The following PAK3 variants were observed in gnomAD, a reference collection of about 807,000 sequenced individuals.
PAK3 encodes serine/threonine-protein kinase PAK 3.
A neutral mutation model predicts 41.0 loss-of-function variants in PAK3; 4 were observed. The observed-to-expected ratio is 0.10, with a 90% confidence interval of 0.05 to 0.22. PAK3 has a LOEUF of 0.22. Ranked by LOEUF, PAK3 falls within the 10% of genes least tolerant of loss-of-function variation. The pLI, the probability that PAK3 is intolerant of heterozygous loss-of-function variation, is 1.00. For missense variants in PAK3, 205 were observed against 409.9 expected (o/e 0.50, Z 4.32); for synonymous variants, 146 against 139.6 (o/e 1.05, Z -0.32).
At chrX:111,085,401 A>T (rs1374062855) in intron 1 of PAK3, among the ~76,000 whole-genome samples, 1 of 111,978 alleles carries the variant, frequency 8.9e-6, no homozygotes, top group Non-Finnish European at 1.9e-5. Flanking sequence ...GACTCCTAAT[A>T]TGGTCAGATT....
rs1031524901 is a variant in PAK3 at position 110,956,371 on chromosome X, C to T, written c.-28+11743C>T. Among the ~76,000 whole-genome samples, 15 of 111,765 alleles carry T rather than the reference C, an allele frequency of 1.3e-4. No individual in the cohort carries two copies. The Admixed American group carries it at 1.4e-3, about 11-fold the overall frequency. Reference sequence around the variant, plus strand: ...GCTATTATCATTCGGTTGCCATCCTCAGAGGACTTGTGGATCCCTTGGTCC... The same window carrying T: ...GCTATTATCATTCGGTTGCCATCCTTAGAGGACTTGTGGATCCCTTGGTCC... On this transcript the variant is annotated intron_variant, in intron 1 of 14. Transcript: ENST00000425146.
rs1275739344 is a variant in PAK3, at chrX:111,006,812, C to CCTTTCTTTCTTT, written c.-28+62213_-28+62224dup. On this transcript the variant is annotated intron_variant, in intron 1 of 14. Coordinates refer to the PAK3 transcript ENST00000425146. ...AGTGGGACCTGAGAATCTGCATTTCCCTTTCTTTCTTTCTTTCTTTCTTTC... is the reference window on the plus strand; with the variant it reads ...AGTGGGACCTGAGAATCTGCATTTCCCTTTCTTTCTTTCTTTCTTTCTTTCTTTCTTTCTTTC... 7.1e-3 allele frequency among the ~76,000 whole-genome samples: 389 copies of CCTTTCTTTCTTT among 54,965 alleles called. 25 individuals carry two copies. Among genetic ancestry groups the CCTTTCTTTCTTT allele is most frequent in the Middle Eastern group, 0.032 (2 of 63 alleles). The allele number at this position is 54,965 out of a possible 115,157, so 47.7% of individuals were successfully genotyped here. A position where few individuals can be genotyped will look rare whatever the true frequency, so the allele number is the denominator to read the frequency against.
intron 1 of PAK3, among the ~76,000 whole-genome samples, chrX:110,998,115 C>G (rs755999201): frequency 4.5e-5 from 5 of 111,821 alleles, no homozygotes; most frequent in African/African-American, 1.6e-4. Context: ...AATATACAAA[C>G]CTTGAATTCA....
In PAK3 at chrX:111,018,005, C is replaced by A. The variant is rs2092116635; in HGVS notation, c.-28+73377C>A. Among the ~76,000 whole-genome samples the A allele has an allele frequency of 2.7e-5, 3 of 111,562 alleles. No individual in the cohort carries two copies. In the South Asian group the frequency reaches 1.1e-3, roughly 42 times the overall value. Reference sequence around the variant, plus strand: ...AACCACATGACCATCTCAAGTTACACAGAAAGAGCATTTTACAAAATTCAA... The same window carrying A: ...AACCACATGACCATCTCAAGTTACAAAGAAAGAGCATTTTACAAAATTCAA... On this transcript the variant is annotated intron_variant, in intron 1 of 14. Transcript: ENST00000425146.
At chrX:111,113,782 C>G (rs1229388924) in intron 4 of PAK3, among the ~76,000 whole-genome samples, 1 of 110,595 alleles carries the variant, frequency 9.0e-6, no homozygotes, top group South Asian at 4.0e-4. Context: ...CCACTTCCCC[C>G]ACCCCACGAC....
chrX:111,196,178 G>A (rs1222288109), intron 15 of PAK3, among the ~76,000 whole-genome samples: 1 of 111,979 alleles, frequency 8.9e-6, no homozygotes, highest in Non-Finnish European at 1.9e-5. Flanking sequence ...TACCTAATTA[G>A]GAAACTGAAA....
At chrX:111,094,833 C>T (rs572842318), upstream of PAK3, among the ~76,000 whole-genome samples, 1 of 109,239 alleles carries the variant, frequency 9.2e-6, no homozygotes, top group East Asian at 2.8e-4. Context: ...GGATTACAGG[C>T]GCATGCCACC....
intron 6 of PAK3, chrX:111,146,673 C>G: frequency 4.5e-6 from 2 of 442,584 alleles, no homozygotes; most frequent in Non-Finnish European, 7.4e-6. Flanking sequence ...CTTGGCTTAT[C>G]TCACTTTTTT....
intron 5 of PAK3, among the ~76,000 whole-genome samples, chrX:111,133,687 G>A (rs1403731578): frequency 8.9e-6 from 1 of 111,802 alleles, no homozygotes; most frequent in Non-Finnish European, 1.9e-5. Context: ...TTGCCTCATA[G>A]AACTAGTCAA....
Position 111,103,246 on chromosome X carries a change from C to G in PAK3, c.-88C>G, listed in dbSNP as rs1202351671. On this transcript the variant is annotated 5_prime_UTR_variant, in exon 4 of 18. Coordinates refer to ENST00000372007, the MANE Select transcript of PAK3 (RefSeq NM_002578.5). ...GAGTCTGTAGGAGCTGAAGCCAGCC[C>G]GGACCCTTCTCATGGGCAGTGCCCA... is the stretch of plus-strand genomic sequence containing the variant. 8.9e-6 allele frequency: 1 copy of G among 112,122 alleles called. No homozygotes were observed. The highest frequency in any genetic ancestry group is 1.9e-5 in the Non-Finnish European group (1 of 53,248). 9.2% of individuals were successfully genotyped at this position (112,122 alleles called of 1,213,427 possible). A position where few individuals can be genotyped will look rare whatever the true frequency, so the allele number is the denominator to read the frequency against.
At chrX:111,007,898 T>C (rs781112768) in intron 1 of PAK3, among the ~76,000 whole-genome samples, 2 of 111,833 alleles carry the variant, frequency 1.8e-5, no homozygotes, top group Non-Finnish European at 3.8e-5. Flanking sequence ...AGAAAGGCCC[T>C]GGAGTTGGTC....
At chrX:110,976,552 G>A (rs945996649) in intron 1 of PAK3, among the ~76,000 whole-genome samples, 47 of 111,885 alleles carry the variant, frequency 4.2e-4, no homozygotes, top group African/African-American at 1.4e-3. Context: ...ACAGTGTGGC[G>A]ATTCCTCAAG....
intron 6 of PAK3, among the ~76,000 whole-genome samples, chrX:111,142,620 C>T (rs771719252): frequency 1.8e-4 from 20 of 112,012 alleles, no homozygotes; most frequent in Non-Finnish European, 3.2e-4. Flanking sequence ...ACTACGCTAA[C>T]CAAGAATCTC....
intron 1 of PAK3, among the ~76,000 whole-genome samples, chrX:111,003,873 C>T (rs1180711724): frequency 3.6e-5 from 4 of 112,288 alleles, no homozygotes; most frequent in South Asian, 3.7e-4. Flanking sequence ...CATTCTGCAA[C>T]GAGACTGCTT....
Position 111,221,879 on chromosome X carries a change from A to G in PAK3, c.*1432A>G, listed in dbSNP as rs1377774021. On this transcript the variant is annotated 3_prime_UTR_variant, in exon 18 of 18. Transcript: ENST00000372007. ...TTTTAACTTACAATCATATCCCAAG[A>G]AATGTCAGTCCGACAGAATTCCTTA... 1 of 112,166 alleles carries G rather than the reference A, an allele frequency of 8.9e-6. No homozygotes were observed. Among genetic ancestry groups the G allele is most frequent in the Non-Finnish European group, 1.9e-5 (1 of 53,208 alleles). 9.2% of individuals were successfully genotyped at this position (112,166 alleles called of 1,213,427 possible).
chrX:111,048,292 G>C lies in PAK3; in HGVS notation c.-27-74785G>C, dbSNP rs1039680881. On this transcript the variant is annotated intron_variant, in intron 1 of 14. Transcript: ENST00000425146. ...AATTGTTGGCACACCCGACGGCTCA[G>C]TTCTAGATCCTCAACTTCTCTTTAT... Among the ~76,000 whole-genome samples, 33 of 110,640 alleles carry C rather than the reference G, an allele frequency of 3.0e-4. 1 individual carries two copies. The highest frequency in any genetic ancestry group is 1.1e-3 in the African/African-American group (33 of 30,448).
At chrX:111,132,611 A>G (rs2093734797) in intron 5 of PAK3, among the ~76,000 whole-genome samples, 1 of 111,600 alleles carries the variant, frequency 9.0e-6, no homozygotes, top group Non-Finnish European at 1.9e-5. Context: ...AAAGGACTTA[A>G]TGGAAGACCA....
At chrX:111,065,938 A>G (rs182250903) in intron 1 of PAK3, among the ~76,000 whole-genome samples, 2 of 111,385 alleles carry the variant, frequency 1.8e-5, no homozygotes, top group East Asian at 5.6e-4. Flanking sequence ...TACTCATTTA[A>G]GTCTTTTTCT....
chrX:111,045,185 T>C (rs189602868), intron 1 of PAK3, among the ~76,000 whole-genome samples: 3 of 111,927 alleles, frequency 2.7e-5, no homozygotes, highest in Non-Finnish European at 5.6e-5. Context: ...AAGATGCCAA[T>C]AAGGGCAAGC....
Sources: gnomAD v4.1 joint callset for allele counts (sites outside exome capture counted in the v4.1 genomes callset) on GRCh38, gnomAD v4.1.1 for gene constraint, MANE v1.5 for transcripts, NCBI Gene and HGNC (gene_info 2026-07-23, HGNC 2026-07-21) for gene names.